Variants in ZNF518A observed in about 807,000 individuals in gnomAD.
The protein encoded by ZNF518A is zinc finger protein 518A.
A neutral mutation model predicts 102.7 loss-of-function variants in ZNF518A; 47 were observed. The ratio of observed to expected loss-of-function variants is 0.46; its 90% CI spans 0.36 to 0.58. The LOEUF (loss-of-function observed/expected upper bound fraction) is 0.58, where lower values mean the gene tolerates loss of function less well. ZNF518A is among the 20% of genes least tolerant of loss of function. ZNF518A has a pLI of 0.00. For synonymous variants in ZNF518A, 652 were observed against 594.6 expected (o/e 1.10, Z -1.40); for missense variants, 1,793 against 1,699.8 (o/e 1.05, Z -0.96).
chr10:96,195,023 C>T (rs587645598), intron 1 of ZNF518A, among the ~76,000 whole-genome samples: 286 of 152,104 alleles, frequency 1.9e-3, no homozygotes, highest in African/African-American at 6.7e-3. Context: ...CCCGTCTCGG[C>T]CTCCCAAAGT....
intron 1 of ZNF518A, among the ~76,000 whole-genome samples, chr10:96,195,884 C>T (rs1487237647): frequency 6.6e-6 from 1 of 152,216 alleles, no homozygotes; most frequent in Non-Finnish European, 1.5e-5. Context: ...ATTCTCCTGC[C>T]TGTAATCACT....
chr10:96,135,694 C>T (rs1354205712), intron 3 of ZNF518A, among the ~76,000 whole-genome samples: 2 of 152,050 alleles, frequency 1.3e-5, no homozygotes, highest in East Asian at 1.9e-4. Context: ...GATTAATAAG[C>T]GTGTGTTGAG....
At chr10:96,190,227 C>T (rs587728112) in intron 1 of ZNF518A, 79 of 753,714 alleles carry the variant, frequency 1.0e-4, no homozygotes, top group South Asian at 9.3e-4. Context: ...CATCAGGTGG[C>T]GGCACACACT....
chr10:96,159,871 G>A lies in ZNF518A; in HGVS notation c.3549G>A (p.Glu1183=), dbSNP rs781902792. The change falls in exon 6 of 6, where the codon GAG becomes GAA. Residue 1183 remains glutamate, a synonymous_variant. Transcript: ENST00000316045. ...CATCTAATCAGATTATAGGAGGAGAGCAGAAAGAGCCAGAATCTAGAGATG... is the reference window on the plus strand; with the variant it reads ...CATCTAATCAGATTATAGGAGGAGAACAGAAAGAGCCAGAATCTAGAGATG... The part of the protein sequence containing the change: ...NVPSNQIIGG[E]QKEPESRDAL... 6.2e-7 allele frequency: 1 copy of A among 1,613,494 alleles called. No homozygotes were observed. The highest frequency in any genetic ancestry group is 8.5e-7 in the Non-Finnish European group (1 of 1,179,720).
Position 96,157,486 on chromosome 10 carries a change from A to T in ZNF518A, c.1164A>T (p.Ser388=), listed in dbSNP as rs1394030321. ...AGAATAATGATAAAGCCCCTGAATC[A>T]GAGTCAGAGAAGCCAACTCCTCTGT... is the stretch of plus-strand genomic sequence containing the variant. ...HCENNDKAPE[S]ESEKPTPLST... is the part of the protein sequence containing the mutation. The change falls in exon 6 of 6, where the codon TCA becomes TCT. Residue 388 remains serine (S), a synonymous_variant. Transcript: ENST00000316045. 6.2e-7 allele frequency: 1 copy of T among 1,613,894 alleles called. No homozygotes were observed. Among genetic ancestry groups the T allele is most frequent in the Non-Finnish European group, 8.5e-7 (1 of 1,179,790 alleles).
downstream of ZNF518A, among the ~76,000 whole-genome samples, chr10:96,166,237 G>A (rs1481825441): frequency 6.6e-6 from 1 of 152,154 alleles, no homozygotes; most frequent in African/African-American, 2.4e-5. Flanking sequence ...CCCATTCAGT[G>A]TAATGGCTCA....
chr10:96,158,127 A>G lies in ZNF518A; in HGVS notation c.1805A>G (p.Asn602Ser), dbSNP rs1554884260. The change falls in exon 6 of 6, where the codon AAC becomes AGC. Residue 602 changes from asparagine to serine, a missense_variant. By Grantham distance (46) the Asn-to-Ser change is conservative (BLOSUM62 1). This residue lies in a region of ZNF518A where 1,741 missense variants were observed against 1,622.6 expected (regional missense o/e 1.07). Transcript: ENST00000316045. The part of the protein sequence containing the change: ...GTTIKSPDKV[N>S]CVAKPNAYNS... ...ACCATTAAAAGTCCAGATAAAGTCA[A>G]CTGTGTTGCCAAACCAAATGCATAC... is the stretch of plus-strand genomic sequence containing the variant. 1.2e-6 allele frequency: 2 copies of G among 1,613,578 alleles called. No homozygotes were observed. Among genetic ancestry groups the G allele is most frequent in the African/African-American group, 2.7e-5 (2 of 75,046 alleles).
Position 96,200,949 on chromosome 10 carries a change from A to C in ZNF518A, n.36-2625A>C. 6.3e-7 allele frequency: 1 copy of C among 1,588,706 alleles called. No homozygotes were observed. Among genetic ancestry groups the C allele is most frequent in the Non-Finnish European group, 8.6e-7 (1 of 1,156,830 alleles). Reference sequence around the variant, plus strand: ...TGCTCTTTCCTGCAGTTTCCTGGTAACAATTTAGTGACATCAAGAGTTCAT... The same window carrying C: ...TGCTCTTTCCTGCAGTTTCCTGGTACCAATTTAGTGACATCAAGAGTTCAT... On this transcript the variant is annotated intron_variant and non_coding_transcript_variant, in intron 1 of 2. Coordinates refer to the ZNF518A transcript ENST00000442635. This position sits in a 1 kb window ranked among gnomAD's most constrained non-coding sequence, Gnocchi z 4.3.
At chr10:96,199,033 A>G (rs587674225) in intron 1 of ZNF518A, among the ~76,000 whole-genome samples, 1 of 152,332 alleles carries the variant, frequency 6.6e-6, no homozygotes, top group Non-Finnish European at 1.5e-5. Flanking sequence ...GAACTCAGGG[A>G]ATAATGTAAA....
intron 1 of ZNF518A, among the ~76,000 whole-genome samples, chr10:96,181,046 GTA>G: frequency 1.3e-5 from 2 of 152,200 alleles, no homozygotes; most frequent in Admixed American, 6.5e-5. Context: ...TCTAACTGGT[GTA>G]AGATGGTATC....
chr10:96,191,838 C>A, intron 1 of ZNF518A: 1 of 1,226,818 alleles, frequency 8.2e-7, no homozygotes, highest in South Asian at 1.3e-5. Context: ...ATGACCACTT[C>A]AATAGCTGAC....
chr10:96,163,460 C>CA lies in ZNF518A; in HGVS notation c.*2687dup, dbSNP rs145355745. The stretch of plus-strand genomic sequence containing the variant: ...TTTGTTTTATTTTTTCTAGTTTGTC[C>CA]ATCTCCACTGAAATGGGTTTCTTAC... On this transcript the variant is annotated 3_prime_UTR_variant, in exon 6 of 6. Transcript: ENST00000316045. 0.24 allele frequency: 40,860 copies of CA among 166,840 alleles called. 6,312 individuals are homozygous for CA. Among genetic ancestry groups the CA allele is most frequent in the Middle Eastern group, 0.36 (107 of 296 alleles). 10.3% of individuals were successfully genotyped at this position (166,840 alleles called of 1,614,324 possible).
At chr10:96,184,341 A>G (rs1554892324) in intron 1 of ZNF518A, among the ~76,000 whole-genome samples, 2 of 152,192 alleles carry the variant, frequency 1.3e-5, no homozygotes, top group African/African-American at 4.8e-5. Flanking sequence ...TGATCCTGTC[A>G]TTATGATGTT....
intron 1 of ZNF518A, among the ~76,000 whole-genome samples, chr10:96,192,809 A>G (rs1461585471): frequency 6.6e-6 from 1 of 152,238 alleles, no homozygotes; most frequent in African/African-American, 2.4e-5. Context: ...CAGATCATGA[A>G]ATTAAATTCA....
Position 96,158,667 on chromosome 10 carries a change from A to C in ZNF518A, c.2345A>C (p.Glu782Ala), listed in dbSNP as rs1359640711. 4 of 1,613,202 alleles carry C rather than the reference A, an allele frequency of 2.5e-6. No individual in the cohort carries two copies. The African/African-American group carries it at 5.3e-5, about 22-fold the overall frequency. ...CAGGCATCAGAATTTCTGCCACCTG[A>C]AGTAAACCAATTGCTTCAGGATGTA... ...SQQASEFLPP[E>A]VNQLLQDVLK... The change falls in exon 6 of 6, where the codon GAA becomes GCA. Residue 782 changes from glutamate to alanine, a missense_variant. Around this residue, in one of 3 missense-constraint regions of ZNF518A, gnomAD observed 1,741 missense variants for 1,622.6 expected, o/e 1.07. Transcript: ENST00000316045.
At chr10:96,146,425 T>G (rs1182586862) in intron 3 of ZNF518A, among the ~76,000 whole-genome samples, 3 of 152,300 alleles carry the variant, frequency 2.0e-5, no homozygotes, top group African/African-American at 7.2e-5. Context: ...TACTGTGCCT[T>G]TTTTTCCTCA....
intron 3 of ZNF518A, among the ~76,000 whole-genome samples, chr10:96,145,417 G>A (rs1463497990): frequency 6.6e-6 from 1 of 152,106 alleles, no homozygotes; most frequent in Non-Finnish European, 1.5e-5. Flanking sequence ...CTGCTATTCT[G>A]GTTGTATTAA....
At chr10:96,199,900 T>C in intron 1 of ZNF518A, 1 of 339,090 alleles carries the variant, frequency 2.9e-6, no homozygotes, top group Non-Finnish European at 5.2e-6. Context: ...GGCACACACA[T>C]GTAATCCCAG....
chr10:96,194,456 T>C (rs2083407690), intron 1 of ZNF518A, among the ~76,000 whole-genome samples: 1 of 152,292 alleles, frequency 6.6e-6, no homozygotes, highest in South Asian at 2.1e-4. Flanking sequence ...ATTTTTTGGA[T>C]ATGACATTAA....
Sources: gnomAD v4.1 joint callset for allele counts (sites outside exome capture counted in the v4.1 genomes callset) on GRCh38, gnomAD v4.1.1 for gene constraint, gnomAD v4.1.1 regional missense constraint, Gnocchi (gnomAD v3.1) non-coding constraint, MANE v1.5 for transcripts, NCBI Gene and HGNC (gene_info 2026-07-23, HGNC 2026-07-21) for gene names.